The following ADGRL3 variants were observed in gnomAD, a reference collection of about 807,000 sequenced individuals.
ADGRL3 encodes adhesion G protein-coupled receptor L3.
ADGRL3 carries 62 observed loss-of-function variants against 153.5 expected under a neutral mutation model. The ratio of observed to expected loss-of-function variants is 0.40; its 90% confidence interval spans 0.33 to 0.50. The LOEUF is 0.50. Ranked by LOEUF, ADGRL3 falls within the 20% of genes least tolerant of loss-of-function variation. ADGRL3 has a pLI of 0.47. For synonymous variants in ADGRL3, 710 were observed against 672.5 expected, an observed-to-expected ratio of 1.06 and a Z score of -0.86; for missense variants, 1,641 against 1,859.4, an observed-to-expected ratio of 0.88 and a Z score of 2.16.
In ADGRL3 at chr4:61,754,568, A is replaced by G. The variant is rs1218178283; in HGVS notation, c.1399+21014A>G. On this transcript the variant is annotated intron_variant, in intron 8 of 26. Transcript: ENST00000683033. ...TTTTATGCTTGATTGTAACCACCCA[A>G]TGGGTTCACCTTGCCCACTGCCTAG... 3.9e-5 allele frequency among the ~76,000 whole-genome samples: 6 copies of G among 151,900 alleles called. No homozygotes were observed. In the South Asian group the frequency reaches 1.0e-3, roughly 26 times the overall value.
chr4:61,868,143 T>C (rs1057486025), intron 9 of ADGRL3, among the ~76,000 whole-genome samples: 11 of 152,172 alleles, frequency 7.2e-5, no homozygotes, highest in African/African-American at 2.4e-4. Context: ...TGTTTGACAA[T>C]ACATAAAATA....
intron 6 of ADGRL3, among the ~76,000 whole-genome samples, chr4:61,729,837 A>G (rs771160088): frequency 7.2e-5 from 11 of 152,060 alleles, no homozygotes; most frequent in Non-Finnish European, 1.6e-4. Context: ...TTTGAAATGT[A>G]TAAACATAAC....
chr4:61,569,617 T>TA (rs139026300), intron 4 of ADGRL3, among the ~76,000 whole-genome samples: 4,770 of 152,274 alleles, frequency 0.031, 222 homozygotes, highest in African/African-American at 0.11. Flanking sequence ...ACTTCTAATC[T>TA]ACTTTCTAAC....
intron 17 of ADGRL3, among the ~76,000 whole-genome samples, chr4:61,961,321 G>A (rs1211878339): frequency 6.6e-6 from 1 of 152,142 alleles, no homozygotes; most frequent in Non-Finnish European, 1.5e-5. Flanking sequence ...CCAGGTTGTG[G>A]AGAGTATGTA....
chr4:61,909,765 G>GTA lies in ADGRL3; in HGVS notation c.2073+21_2073+22insAT. ...AACAAGGTAAGGACCCTAATTATGT[G>GTA]TGTGTGTGTGTGTGTGTGTGTGTGT... On this transcript the variant is annotated intron_variant, in intron 12 of 26. Transcript: ENST00000683033. The GTA allele has an allele frequency of 8.7e-6, 5 of 572,040 alleles. No homozygotes were observed. Among genetic ancestry groups the GTA allele is most frequent in the Non-Finnish European group, 6.7e-6 (3 of 449,594 alleles). 35.4% of individuals were successfully genotyped at this position (572,040 alleles called of 1,614,324 possible).
intron 18 of ADGRL3, among the ~76,000 whole-genome samples, chr4:61,980,516 T>A (rs1452105983): frequency 6.6e-6 from 1 of 151,826 alleles, no homozygotes; most frequent in African/African-American, 2.4e-5. Context: ...CCTGGCCCAC[T>A]GCAATCTCCA....
At chr4:61,634,936 C>T (rs748820138) in intron 5 of ADGRL3, among the ~76,000 whole-genome samples, 1 of 152,044 alleles carries the variant, frequency 6.6e-6, no homozygotes, top group Non-Finnish European at 1.5e-5. Context: ...AAAGGGGAAC[C>T]TTTTCCTATT....
At chr4:61,326,353 T>C (rs1410491716) in intron 1 of ADGRL3, among the ~76,000 whole-genome samples, 2 of 152,100 alleles carry the variant, frequency 1.3e-5, no homozygotes, top group Non-Finnish European at 2.9e-5. Flanking sequence ...TTCTACGTTT[T>C]ATTAGATCTT....
At chr4:61,475,574 G>A (rs2098036384) in intron 2 of ADGRL3, among the ~76,000 whole-genome samples, 1 of 152,104 alleles carries the variant, frequency 6.6e-6, no homozygotes, top group Admixed American at 6.6e-5. Context: ...TAATGATGAG[G>A]TATGACTACC....
intron 2 of ADGRL3, among the ~76,000 whole-genome samples, chr4:61,458,557 A>G (rs1358927027): frequency 6.6e-6 from 1 of 151,532 alleles, no homozygotes; most frequent in African/African-American, 2.4e-5. Context: ...ACAATTTCAG[A>G]AAATAATAGC....
At chr4:61,852,849 G>GT (rs201991400) in intron 9 of ADGRL3, among the ~76,000 whole-genome samples, 1,522 of 145,572 alleles carry the variant, frequency 0.01, 10 homozygotes, top group Non-Finnish European at 0.016. Flanking sequence ...TTTATTTATT[G>GT]TTTTTTACAT....
At chr4:61,217,337 G>C (rs1262136716) in intron 1 of ADGRL3, among the ~76,000 whole-genome samples, 1 of 152,188 alleles carries the variant, frequency 6.6e-6, no homozygotes, top group Non-Finnish European at 1.5e-5. Flanking sequence ...CATGTGAACT[G>C]AGATAGGAAG....
intron 9 of ADGRL3, among the ~76,000 whole-genome samples, chr4:61,841,401 C>T (rs1440541176): frequency 6.6e-6 from 1 of 152,164 alleles, no homozygotes; most frequent in African/African-American, 2.4e-5. Context: ...GTCCAAATTA[C>T]AGTAGCTTGT....
intron 1 of ADGRL3, among the ~76,000 whole-genome samples, chr4:61,271,409 T>A (rs769866710): frequency 1.1e-4 from 16 of 151,974 alleles, no homozygotes; most frequent in South Asian, 2.1e-4. Flanking sequence ...ACTTTAGACC[T>A]TAAATGGAAA....
At chr4:61,772,860 C>G (rs2097102557) in intron 8 of ADGRL3, among the ~76,000 whole-genome samples, 1 of 152,144 alleles carries the variant, frequency 6.6e-6, no homozygotes, top group Non-Finnish European at 1.5e-5. Context: ...GTAGTGTGTT[C>G]TCAACCTCCT....
At chr4:61,609,859 A>T (rs1040749313) in intron 5 of ADGRL3, among the ~76,000 whole-genome samples, 1 of 152,110 alleles carries the variant, frequency 6.6e-6, no homozygotes, top group Non-Finnish European at 1.5e-5. Flanking sequence ...GGCATAAATT[A>T]TGGATGATTA....
chr4:61,264,754 C>T (rs934474397), intron 1 of ADGRL3, among the ~76,000 whole-genome samples: 3 of 151,614 alleles, frequency 2.0e-5, no homozygotes, highest in Non-Finnish European at 2.9e-5. Flanking sequence ...ACTGCTAGTA[C>T]TGGAATTCCA....
intron 8 of ADGRL3, among the ~76,000 whole-genome samples, chr4:61,788,090 A>G (rs564808632): frequency 1.3e-5 from 2 of 152,320 alleles, no homozygotes; most frequent in South Asian, 4.1e-4. Context: ...TTGTGCTGCT[A>G]TAACCATTAG....
chr4:61,848,915 A>G (rs749022233), intron 9 of ADGRL3, among the ~76,000 whole-genome samples: 31 of 152,292 alleles, frequency 2.0e-4, no homozygotes, highest in East Asian at 1.4e-3. Flanking sequence ...TGACAGAGGC[A>G]GTGAAGAAAG....
Sources: allele counts gnomAD v4.1 joint callset (sites outside exome capture counted in the v4.1 genomes callset), GRCh38; gene constraint gnomAD v4.1.1; transcripts MANE v1.5; gene names NCBI Gene and HGNC (gene_info 2026-07-23, HGNC 2026-07-21).